The following NIPBL variants were observed in gnomAD, a reference collection of about 807,000 sequenced individuals.
NIPBL encodes nipped-B-like protein.
NIPBL carries 19 observed loss-of-function variants against 321.8 expected under a neutral mutation model. That is an observed-to-expected ratio of 0.06 (90% CI 0.04 to 0.09). The LOEUF is 0.09. Among genes scored for constraint, NIPBL ranks in the 10% least tolerant of loss-of-function variants. NIPBL has a pLI of 1.00. For synonymous variants in NIPBL, 1,106 were observed against 1,114.1 expected, an observed-to-expected ratio of 0.99 and a Z score of 0.14; for missense variants, 2,210 against 3,327.0, an observed-to-expected ratio of 0.66 and a Z score of 8.26.
intron 7 of NIPBL, among the ~76,000 whole-genome samples, chr5:36,971,332 TC>T (rs1359891481): frequency 1.3e-5 from 2 of 152,224 alleles, no homozygotes; most frequent in East Asian, 3.9e-4. Flanking sequence ...TATTCTCTGT[TC>T]CTTTATAATG....
intron 4 of NIPBL, 33 bp downstream of exon 4, chr5:36,958,264 A>C: frequency 1.2e-6 from 2 of 1,608,944 alleles, no homozygotes; most frequent in South Asian, 2.2e-5. Context: ...TCCCATATCA[A>C]ACTTGTTTTA....
At chr5:36,934,710 C>T (rs1349447203) in intron 1 of NIPBL, among the ~76,000 whole-genome samples, 2 of 151,518 alleles carry the variant, frequency 1.3e-5, no homozygotes, top group Non-Finnish European at 2.9e-5. Flanking sequence ...ATTTGTAGTG[C>T]CAAAAAAGAA....
At chr5:36,991,268 TAAAG>T (rs1365815683) in intron 10 of NIPBL, among the ~76,000 whole-genome samples, 3 of 152,050 alleles carry the variant, frequency 2.0e-5, no homozygotes, top group East Asian at 1.9e-4. Flanking sequence ...GCTTTTAAAA[TAAAG>T]AAACCAATTT....
chr5:37,000,896 G>A lies in NIPBL; in HGVS notation c.3574+8G>A, dbSNP rs1319678394. On this transcript the variant is annotated splice_region_variant and intron_variant, in intron 13 of 46. Coordinates refer to ENST00000282516, the MANE Select transcript of NIPBL (RefSeq NM_133433.4). The stretch of plus-strand genomic sequence containing the variant: ...CAAAACTAACACCTGAAGGTAACAC[G>A]TTAGTTTATTTAATTTGTCTTTATT... 5.0e-6 allele frequency: 8 copies of A among 1,607,346 alleles called. No homozygotes were observed. Among genetic ancestry groups the A allele is most frequent in the South Asian group, 1.1e-5 (1 of 90,944 alleles).
intron 9 of NIPBL, among the ~76,000 whole-genome samples, chr5:36,980,563 C>T (rs1209556832): frequency 2.6e-5 from 4 of 151,498 alleles, no homozygotes; most frequent in Admixed American, 2.6e-4. Flanking sequence ...AGATGCTTAC[C>T]ATTGTGTTAC....
At chr5:37,029,871 C>T (rs1447131211) in intron 32 of NIPBL, among the ~76,000 whole-genome samples, 1 of 152,148 alleles carries the variant, frequency 6.6e-6, no homozygotes, top group African/African-American at 2.4e-5. Context: ...CATATTTTTA[C>T]ATGATATATT....
intron 45 of NIPBL, among the ~76,000 whole-genome samples, chr5:37,062,416 T>G (rs1754824530): frequency 6.6e-6 from 1 of 152,088 alleles, no homozygotes; most frequent in Non-Finnish European, 1.5e-5. Context: ...ACTTATCAAG[T>G]ATGCAAATGT....
At chr5:36,964,573 T>C (rs1741997940) in intron 6 of NIPBL, among the ~76,000 whole-genome samples, 1 of 152,098 alleles carries the variant, frequency 6.6e-6, no homozygotes. Flanking sequence ...GACATGAAAC[T>C]ACTAGAAGAA....
rs557097499 is a variant in NIPBL at position 36,926,411 on chromosome 5, C to G, written c.-79-27207C>G. On this transcript the variant is annotated intron_variant, in intron 1 of 46. Transcript: ENST00000282516. ...GCCAGAATAGTTCCAGATGGCTTTA[C>G]CCATATAAGTGCCGCCTTGGTAGAG... 4.5e-4 allele frequency among the ~76,000 whole-genome samples: 68 copies of G among 152,272 alleles called. 1 individual carries two copies. In the South Asian group the frequency reaches 9.7e-3, roughly 22 times the overall value.
chr5:36,909,703 A>G (rs982477595), intron 1 of NIPBL, among the ~76,000 whole-genome samples: 2 of 152,186 alleles, frequency 1.3e-5, no homozygotes, highest in Admixed American at 1.3e-4. Flanking sequence ...CATATAGTAC[A>G]TGCTATACGT....
At chr5:36,888,958 GAATC>G (rs1746121490) in intron 1 of NIPBL, among the ~76,000 whole-genome samples, 1 of 152,132 alleles carries the variant, frequency 6.6e-6, no homozygotes, top group Non-Finnish European at 1.5e-5. Context: ...GGAATGAATA[GAATC>G]AATCTAAAGG....
At chr5:37,060,567 G>C (rs528174527) in intron 44 of NIPBL, among the ~76,000 whole-genome samples, 1 of 152,288 alleles carries the variant, frequency 6.6e-6, no homozygotes, top group South Asian at 2.1e-4. Flanking sequence ...TTTTTAAGCA[G>C]AGTTGTTAAT....
chr5:36,998,439 T>C (rs930629681), intron 11 of NIPBL, among the ~76,000 whole-genome samples: 1 of 152,132 alleles, frequency 6.6e-6, no homozygotes, highest in Non-Finnish European at 1.5e-5. Context: ...TTTCTACTCA[T>C]AGGATTGAAT....
chr5:36,966,279 G>A (rs1393523796), intron 6 of NIPBL, among the ~76,000 whole-genome samples: 1 of 151,982 alleles, frequency 6.6e-6, no homozygotes, highest in South Asian at 2.1e-4. Context: ...TTTTTGAAGA[G>A]TTTGGCTACT....
chr5:37,007,024 T>G (rs1015446381), intron 17 of NIPBL, among the ~76,000 whole-genome samples: 2 of 151,902 alleles, frequency 1.3e-5, no homozygotes, highest in African/African-American at 4.8e-5. Flanking sequence ...AACTGCAAAT[T>G]AATTTAAAGG....
In NIPBL at chr5:36,949,528, A is replaced by G. The variant is rs573917223; in HGVS notation, c.-79-4090A>G. On this transcript the variant is annotated intron_variant, in intron 1 of 46. Transcript: ENST00000282516. ...ATGAGGATTAAATTTATTACATAGT[A>G]AGTGCTGAGCAAACATGAGTTACCA... Among the ~76,000 whole-genome samples, 5 of 152,054 alleles carry G rather than the reference A, an allele frequency of 3.3e-5. No individual in the cohort carries two copies. In the South Asian group the frequency reaches 6.2e-4, roughly 19 times the overall value.
At chr5:36,914,159 G>T (rs1561379329) in intron 1 of NIPBL, among the ~76,000 whole-genome samples, 2 of 152,182 alleles carry the variant, frequency 1.3e-5, no homozygotes, top group Non-Finnish European at 2.9e-5. Flanking sequence ...ATGACACCCA[G>T]GTCATTCAGG....
At chr5:37,047,153 A>G (rs936472328) in intron 38 of NIPBL, among the ~76,000 whole-genome samples, 2 of 152,214 alleles carry the variant, frequency 1.3e-5, no homozygotes, top group African/African-American at 4.8e-5. Flanking sequence ...ACCCCATTTT[A>G]TATCAGGGAC....
At chr5:36,929,341 A>T (rs904766701) in intron 1 of NIPBL, among the ~76,000 whole-genome samples, 3 of 151,994 alleles carry the variant, frequency 2.0e-5, no homozygotes, top group Non-Finnish European at 1.5e-5. Context: ...TTGTATATTT[A>T]TAAGCCATTC....
Sources: allele counts gnomAD v4.1 joint callset (sites outside exome capture counted in the v4.1 genomes callset), GRCh38; gene constraint gnomAD v4.1.1; transcripts MANE v1.5; gene names NCBI Gene and HGNC (gene_info 2026-07-23, HGNC 2026-07-21).